The following DLG2 variants were observed in gnomAD, a reference collection of about 807,000 sequenced individuals.
The protein encoded by DLG2 is disks large homolog 2.
DLG2 carries 45 observed loss-of-function variants against 132.5 expected under a neutral mutation model. The observed-to-expected ratio is 0.34, with a 90% CI of 0.27 to 0.44. The LOEUF is 0.44. Ranked by LOEUF, DLG2 falls within the 20% of genes least tolerant of loss-of-function variation. The probability of loss-of-function intolerance (pLI) is 1.00; values close to 1 mark genes in which losing one functional copy is unlikely to be tolerated. For synonymous variants in DLG2, 424 were observed against 419.6 expected (o/e 1.01, Z -0.13); for missense variants, 1,045 against 1,196.9 (o/e 0.87, Z 1.87).
intron 18 of DLG2, among the ~76,000 whole-genome samples, chr11:83,748,750 T>C (rs957104032): frequency 6.6e-6 from 1 of 152,228 alleles, no homozygotes; most frequent in African/African-American, 2.4e-5. Context: ...ATCTTTTATG[T>C]GCACTATTTA....
chr11:85,150,367 A>T (rs2077158648), intron 5 of DLG2, among the ~76,000 whole-genome samples: 1 of 152,074 alleles, frequency 6.6e-6, no homozygotes, highest in South Asian at 2.1e-4. Flanking sequence ...ACATAACCTT[A>T]AATTTATAAT....
At chr11:85,215,043 G>A (rs2082491249) in intron 4 of DLG2, among the ~76,000 whole-genome samples, 1 of 152,104 alleles carries the variant, frequency 6.6e-6, no homozygotes, top group Non-Finnish European at 1.5e-5. Flanking sequence ...TCATACCAGT[G>A]ACTAAGTTAA....
chr11:84,254,890 A>T (rs11233966), intron 7 of DLG2, among the ~76,000 whole-genome samples: 6,386 of 152,264 alleles, frequency 0.042, 177 homozygotes, highest in Non-Finnish European at 0.068. Flanking sequence ...TGCATGAACA[A>T]ACAAGATTGT....
At chr11:84,135,153 A>G (rs1472115176) in intron 9 of DLG2, among the ~76,000 whole-genome samples, 1 of 152,118 alleles carries the variant, frequency 6.6e-6, no homozygotes, top group East Asian at 1.9e-4. Flanking sequence ...CCTAGAACAG[A>G]ACAGAACAGA....
At chr11:84,038,357 A>C (rs2095934954) in intron 11 of DLG2, among the ~76,000 whole-genome samples, 1 of 152,152 alleles carries the variant, frequency 6.6e-6, no homozygotes, top group South Asian at 2.1e-4. Flanking sequence ...ACGCTTCTCA[A>C]AATTAGACAT....
At chr11:85,279,651 C>G (rs545892537) in intron 4 of DLG2, among the ~76,000 whole-genome samples, 1 of 151,850 alleles carries the variant, frequency 6.6e-6, no homozygotes, top group Non-Finnish European at 1.5e-5. Context: ...CAAATCCATA[C>G]GAAGTAATTA....
At chr11:84,316,762 C>G (rs1189877326) in intron 7 of DLG2, 1 of 1,496,804 alleles carries the variant, frequency 6.7e-7, no homozygotes, top group Non-Finnish European at 8.9e-7. Flanking sequence ...CCATTCTAAC[C>G]TTAAACAACT....
At chr11:85,440,563 T>G (rs926183936) in intron 3 of DLG2, among the ~76,000 whole-genome samples, 1 of 152,220 alleles carries the variant, frequency 6.6e-6, no homozygotes, top group Non-Finnish European at 1.5e-5. Context: ...TATACTTTAA[T>G]AGTTCACAAG....
At chr11:85,313,949 A>G (rs2080476826) in intron 3 of DLG2, among the ~76,000 whole-genome samples, 1 of 152,034 alleles carries the variant, frequency 6.6e-6, no homozygotes, top group Non-Finnish European at 1.5e-5. Flanking sequence ...AAAAATTTAC[A>G]TAACACAACT....
chr11:85,602,966 T>C (rs1283141568), intron 2 of DLG2, among the ~76,000 whole-genome samples: 3 of 152,098 alleles, frequency 2.0e-5, no homozygotes, highest in Non-Finnish European at 2.9e-5. Flanking sequence ...AACTTCAAGC[T>C]TATCCCCTTG....
At position 83,905,413 on chromosome 11, in the gene DLG2, A is replaced by G. The variant is rs558808037; in HGVS notation, c.1496+24915T>C. ...CCTTCCCTCTAGTCTTATTTCCTCA[A>G]GGAACTCTGGTCTTTTCCTTTGCAG... On this transcript the variant is annotated intron_variant, in intron 15 of 27. Transcript: ENST00000376104. Among the ~76,000 whole-genome samples the G allele has an allele frequency of 3.3e-5, 5 of 152,286 alleles. No homozygotes were observed. The East Asian group carries it at 9.6e-4, about 29-fold the overall frequency.
chr11:85,484,073 C>G (rs1226176605), intron 3 of DLG2, among the ~76,000 whole-genome samples: 1 of 152,058 alleles, frequency 6.6e-6, no homozygotes. Context: ...CAACAAGTAC[C>G]GTAAGGGAAA....
chr11:84,699,037 T>C (rs917482065), intron 6 of DLG2, among the ~76,000 whole-genome samples: 2 of 151,564 alleles, frequency 1.3e-5, no homozygotes, highest in African/African-American at 4.8e-5. Flanking sequence ...TGCTTATCAC[T>C]ACCCTCTGTG....
intron 6 of DLG2, among the ~76,000 whole-genome samples, chr11:84,564,832 C>T (rs2099445214): frequency 6.6e-6 from 1 of 152,186 alleles, no homozygotes; most frequent in Non-Finnish European, 1.5e-5. Flanking sequence ...GAAGTTAATT[C>T]TTTCCTGTGT....
intron 15 of DLG2, among the ~76,000 whole-genome samples, chr11:83,911,824 T>C (rs1011757012): frequency 4.6e-5 from 7 of 152,162 alleles, no homozygotes; most frequent in African/African-American, 1.4e-4. Context: ...ACATTCTTTA[T>C]GCCTGTTACT....
chr11:84,299,878 A>G (rs539385645), intron 7 of DLG2, among the ~76,000 whole-genome samples: 1 of 152,284 alleles, frequency 6.6e-6, no homozygotes, highest in African/African-American at 2.4e-5. Flanking sequence ...TGTTGTTTTC[A>G]CTTTTCCTTG....
At chr11:84,355,858 C>G (rs1365277707) in intron 7 of DLG2, among the ~76,000 whole-genome samples, 1 of 152,098 alleles carries the variant, frequency 6.6e-6, no homozygotes, top group African/African-American at 2.4e-5. Flanking sequence ...ATTTTCCCAG[C>G]ATCTTGCATA....
intron 18 of DLG2, among the ~76,000 whole-genome samples, chr11:83,780,372 CAG>C (rs2094765352): frequency 6.6e-6 from 1 of 152,194 alleles, no homozygotes. Context: ...CAAATAACAT[CAG>C]AGTTTCACTT....
At chr11:85,038,782 T>C (rs1400118121) in intron 6 of DLG2, among the ~76,000 whole-genome samples, 2 of 152,054 alleles carry the variant, frequency 1.3e-5, no homozygotes, top group South Asian at 4.1e-4. Flanking sequence ...ATGAAGGCTG[T>C]AGCATCTGCC....
Sources: gnomAD v4.1 joint callset for allele counts (sites outside exome capture counted in the v4.1 genomes callset) on GRCh38, gnomAD v4.1.1 for gene constraint, MANE v1.5 for transcripts, NCBI Gene and HGNC (gene_info 2026-07-23, HGNC 2026-07-21) for gene names.